ALDH6A1: variants seen among roughly 807,000 people sequenced by gnomAD.
ALDH6A1 encodes methylmalonate-semialdehyde/malonate-semialdehyde dehydrogenase [acylating], mitochondrial.
In ALDH6A1, 43 loss-of-function variants were observed where a neutral mutation model predicts 62.6. That is an observed-to-expected ratio of 0.69 (90% CI 0.54 to 0.89). The LOEUF (loss-of-function observed/expected upper bound fraction) is 0.89. ALDH6A1 is among the 40% of genes least tolerant of loss of function. The pLI, the probability that ALDH6A1 is intolerant of heterozygous loss-of-function variation, is 0.00. For synonymous variants in ALDH6A1, 194 were observed against 234.2 expected (o/e 0.83, Z 1.57); for missense variants, 551 against 661.3 (o/e 0.83, Z 1.83).
intron 9 of ALDH6A1, 139 bp downstream of exon 9, chr14:74,066,566 C>A (rs2060469533): frequency 2.2e-6 from 2 of 907,982 alleles, no homozygotes; most frequent in Non-Finnish European, 3.5e-6. Flanking sequence ...ATTCAGACTC[C>A]AGATAAAATA....
At chr14:74,069,988 C>G (rs907740922) in intron 6 of ALDH6A1, among the ~76,000 whole-genome samples, 2 of 151,558 alleles carry the variant, frequency 1.3e-5, no homozygotes, top group Admixed American at 1.3e-4. Context: ...CCTGCACATG[C>G]CACCATTCCT....
intron 9 of ALDH6A1, 102 bp downstream of exon 9, chr14:74,066,603 G>A: frequency 4.2e-6 from 5 of 1,179,724 alleles, no homozygotes; most frequent in Non-Finnish European, 6.2e-6. Context: ...AAGAGATAAG[G>A]TCTTAGTCAT....
At chr14:74,063,109 C>T (rs2060382714) in intron 11 of ALDH6A1, among the ~76,000 whole-genome samples, 1 of 152,148 alleles carries the variant, frequency 6.6e-6, no homozygotes, top group African/African-American at 2.4e-5. Flanking sequence ...CAGCCCATTT[C>T]CGCTGTCTGA....
In ALDH6A1 at chr14:74,059,084, CAAAAAA is replaced by C. The variant is rs35760969; in HGVS notation, c.*1552_*1557del. On this transcript the variant is annotated 3_prime_UTR_variant, in exon 12 of 12. Coordinates refer to ENST00000553458, the MANE Select transcript of ALDH6A1 (RefSeq NM_005589.4). ...GGGCAACAAGAGTGAAACTCCATCT[CAAAAAA>C]AAAAAAAAAAAAAAAAGCGTAAAGG... is the stretch of plus-strand genomic sequence containing the variant. 19 of 49,738 alleles carry C rather than the reference CAAAAAA, an allele frequency of 3.8e-4. No homozygotes were observed. The highest frequency in any genetic ancestry group is 1.2e-3 in the South Asian group (3 of 2,508). 3.1% of individuals were successfully genotyped at this position (49,738 alleles called of 1,614,324 possible). A position where few individuals can be genotyped will look rare whatever the true frequency, so the allele number is the denominator to read the frequency against.
chr14:74,057,147 T>TG lies in ALDH6A1; in HGVS notation c.*3494dup. The TG allele has an allele frequency of 3.1e-6, 5 of 1,610,998 alleles. No homozygotes were observed. The highest frequency in any genetic ancestry group is 4.2e-6 in the Non-Finnish European group (5 of 1,177,766). On this transcript the variant is annotated 3_prime_UTR_variant, in exon 12 of 12. Transcript: ENST00000553458. Reference sequence around the variant, plus strand: ...TGTTATTTTGTCATTATTGCAGGGATGAAAGTAAGCTTCAAGATAAAATCT... The same window carrying TG: ...TGTTATTTTGTCATTATTGCAGGGATGGAAAGTAAGCTTCAAGATAAAATCT...
rs150181663 is a variant in ALDH6A1 at position 74,070,388 on chromosome 14, G to A, written c.730+807C>T. Among the ~76,000 whole-genome samples, 715 of 152,066 alleles carry A rather than the reference G, an allele frequency of 4.7e-3. 2 individuals carry two copies. Among genetic ancestry groups the A allele is most frequent in the African/African-American group, 0.015 (603 of 41,484 alleles). ...AACAAAATTAGTGGGGCACGGTGGC[G>A]CATGCCTGTAATCCCAGCTATTTAA... On this transcript the variant is annotated intron_variant, in intron 6 of 11. Coordinates refer to ENST00000553458, the MANE Select transcript of ALDH6A1 (RefSeq NM_005589.4).
At chr14:74,079,288 A>G (rs567844926) in intron 1 of ALDH6A1, among the ~76,000 whole-genome samples, 1 of 150,656 alleles carries the variant, frequency 6.6e-6, no homozygotes, top group Admixed American at 6.6e-5. Context: ...ACCTGCCTGC[A>G]CTCAATGGAG....
intron 1 of ALDH6A1, among the ~76,000 whole-genome samples, chr14:74,077,388 A>G (rs1247405748): frequency 6.6e-6 from 1 of 152,148 alleles, no homozygotes; most frequent in Non-Finnish European, 1.5e-5. Flanking sequence ...AAAATACCTG[A>G]GACTGGGCAA....
At chr14:74,079,640 G>A (rs1216734126) in intron 1 of ALDH6A1, among the ~76,000 whole-genome samples, 1 of 151,716 alleles carries the variant, frequency 6.6e-6, no homozygotes, top group East Asian at 1.9e-4. Context: ...CACCATGTTA[G>A]CCAGGATGGT....
rs952407114 is a variant in ALDH6A1 at position 74,060,097 on chromosome 14, T to C, written c.*545A>G. The C allele has an allele frequency of 6.3e-6, 1 of 159,432 alleles. No individual in the cohort carries two copies. The highest frequency in any genetic ancestry group is 1.4e-5 in the Non-Finnish European group (1 of 72,014). The allele number at this position is 159,432 out of a possible 1,614,324, so 9.9% of individuals were successfully genotyped here. On this transcript the variant is annotated 3_prime_UTR_variant, in exon 12 of 12. Coordinates refer to ENST00000553458, the MANE Select transcript of ALDH6A1 (RefSeq NM_005589.4). ...AGCGGTGAGTTATTTCTGTCCTGTT[T>C]CCCCATCTAAGAGTTCTTCTTGCAA...
Position 74,072,624 on chromosome 14 carries a change from AAC to A in ALDH6A1, c.112-15_112-14del. ...GCTTTACAGTTGGCTGAAAAAAACA[AAC>A]AAACAAACAAACAAACAAAAACATG... is the stretch of plus-strand genomic sequence containing the variant. On this transcript the variant is annotated splice_polypyrimidine_tract_variant and intron_variant, in intron 2 of 11. Transcript: ENST00000553458. The A allele has an allele frequency of 1.2e-6, 2 of 1,608,232 alleles. No homozygotes were observed.
At chr14:74,082,152 T>A (rs2060674575) in intron 1 of ALDH6A1, among the ~76,000 whole-genome samples, 1 of 152,064 alleles carries the variant, frequency 6.6e-6, no homozygotes, top group South Asian at 2.1e-4. Flanking sequence ...CTGCTGTGAG[T>A]TGTGATTGCA....
chr14:74,063,550 C>T (rs117281113), intron 11 of ALDH6A1, among the ~76,000 whole-genome samples: 3,309 of 151,716 alleles, frequency 0.022, 69 homozygotes, highest in Non-Finnish European at 0.035. Context: ...TCATTTTATA[C>T]GTGAATAAAT....
intron 1 of ALDH6A1, among the ~76,000 whole-genome samples, chr14:74,082,007 G>A (rs1405619022): frequency 6.6e-6 from 1 of 152,114 alleles, no homozygotes; most frequent in Non-Finnish European, 1.5e-5. Flanking sequence ...AAGAGTTCAA[G>A]ACCAGCCTGG....
At position 74,074,526 on chromosome 14, in the gene ALDH6A1, C is replaced by T. The variant is rs183022555; in HGVS notation, c.111+429G>A. Among the ~76,000 whole-genome samples, 839 of 152,064 alleles carry T rather than the reference C, an allele frequency of 5.5e-3. 8 individuals carry two copies. Among genetic ancestry groups the T allele is most frequent in the South Asian group, 0.011 (53 of 4,818 alleles). The stretch of plus-strand genomic sequence containing the variant: ...GGTCTCGATCTCTTGACCTCGTGAT[C>T]CACCTGCCTCAGCCTCCCAAAGTGC... On this transcript the variant is annotated intron_variant, in intron 2 of 11. Transcript: ENST00000553458.
chr14:74,062,051 G>GAA (rs369414700), intron 11 of ALDH6A1, among the ~76,000 whole-genome samples: 609 of 59,570 alleles, frequency 0.01, 19 homozygotes, highest in Middle Eastern at 0.048. Flanking sequence ...TCTCTACTGG[G>GAA]AAAAAAAAAA....
chr14:74,064,306 A>T (rs952550632), intron 11 of ALDH6A1, among the ~76,000 whole-genome samples: 7 of 147,336 alleles, frequency 4.8e-5, no homozygotes, highest in African/African-American at 1.5e-4. Flanking sequence ...TCAAAAAAAA[A>T]AAAAATAATA....
Position 74,065,234 on chromosome 14 carries a change from T to C in ALDH6A1, c.1351A>G (p.Thr451Ala). The C allele has an allele frequency of 6.2e-7, 1 of 1,614,138 alleles. No homozygotes were observed. Among genetic ancestry groups the C allele is most frequent in the East Asian group, 2.2e-5 (1 of 44,886 alleles). Residue 451 changes from threonine (T) to alanine (A), a missense_variant, in exon 10 of 12, where the codon ACC becomes GCC. Physicochemically the swap from Thr to Ala is moderately conservative, Grantham distance 58. Coordinates refer to ENST00000553458, the MANE Select transcript of ALDH6A1 (RefSeq NM_005589.4). ...NPYGNGTAIF[T>A]TNGATARKYA... ...TTCCGAGCAGTGGCTCCATTGGTGG[T>C]GAAGATGGCAGTTCCATTTCCATAT...
At position 74,076,338 on chromosome 14, in the gene ALDH6A1, C is replaced by G. The variant is rs542054336; in HGVS notation, c.49-1321G>C. 4.6e-5 allele frequency among the ~76,000 whole-genome samples: 7 copies of G among 152,236 alleles called. No individual in the cohort carries two copies. The South Asian group carries it at 1.2e-3, about 27-fold the overall frequency. On this transcript the variant is annotated intron_variant, in intron 1 of 11. Transcript: ENST00000553458. ...ACAAGATAACTCTCAAATTGTAACT[C>G]ACTAAAAAAGTCTGTATATATGTTA... is the stretch of plus-strand genomic sequence containing the variant.
Sources: gnomAD v4.1 joint callset for allele counts (sites outside exome capture counted in the v4.1 genomes callset) on GRCh38, gnomAD v4.1.1 for gene constraint, MANE v1.5 for transcripts, NCBI Gene and HGNC (gene_info 2026-07-23, HGNC 2026-07-21) for gene names.